Variants in MECOM observed in about 807,000 individuals in gnomAD.
MECOM encodes the protein histone-lysine N-methyltransferase MECOM.
MECOM carries 13 observed loss-of-function variants against 116.3 expected under a neutral mutation model. That is an observed-to-expected ratio of 0.11 (90% CI 0.07 to 0.18). The LOEUF (loss-of-function observed/expected upper bound fraction) is 0.18, where lower values mean the gene tolerates loss of function less well. Ranked by LOEUF, MECOM falls within the 10% of genes least tolerant of loss-of-function variation. The pLI, the probability that MECOM is intolerant of heterozygous loss-of-function variation, is 1.00. For missense variants in MECOM, 1,299 were observed against 1,509.0 expected (o/e 0.86, Z 2.31); for synonymous variants, 528 against 535.2 (o/e 0.99, Z 0.19).
intron 1 of MECOM, among the ~76,000 whole-genome samples, chr3:169,571,749 C>T (rs1763936983): frequency 6.6e-6 from 1 of 152,144 alleles, no homozygotes; most frequent in Non-Finnish European, 1.5e-5. Context: ...GGAAAGGATT[C>T]CCTATTTAAT....
At chr3:169,433,789 G>A (rs1213858060) in intron 1 of MECOM, among the ~76,000 whole-genome samples, 2 of 152,168 alleles carry the variant, frequency 1.3e-5, no homozygotes, top group Admixed American at 6.5e-5. Flanking sequence ...TGTTAAAAAT[G>A]CAAATACACA....
chr3:169,397,984 G>A (rs1735278642), intron 1 of MECOM, among the ~76,000 whole-genome samples: 1 of 152,132 alleles, frequency 6.6e-6, no homozygotes, highest in Non-Finnish European at 1.5e-5. Context: ...TGGAGTGGCT[G>A]TGTAATCCTA....
chr3:169,191,296 G>A (rs1314568000), intron 2 of MECOM, among the ~76,000 whole-genome samples: 1 of 151,898 alleles, frequency 6.6e-6, no homozygotes, highest in Non-Finnish European at 1.5e-5. Context: ...GCTGGTGGGT[G>A]CAGAAATATA....
intron 2 of MECOM, among the ~76,000 whole-genome samples, chr3:169,153,324 A>G (rs1236331032): frequency 1.3e-5 from 2 of 152,192 alleles, no homozygotes; most frequent in Non-Finnish European, 2.9e-5. Flanking sequence ...AAAAATGCAT[A>G]ACATATCAAT....
chr3:169,454,537 T>C (rs535174047), intron 1 of MECOM, among the ~76,000 whole-genome samples: 1 of 152,282 alleles, frequency 6.6e-6, no homozygotes, highest in Non-Finnish European at 1.5e-5. Context: ...TTGTTTTTAT[T>C]ATTCCTAATG....
Position 169,358,480 on chromosome 3 carries a change from C to T in MECOM, c.375+22707G>A, listed in dbSNP as rs1200032163. Among the ~76,000 whole-genome samples, 8 of 150,736 alleles carry T rather than the reference C, an allele frequency of 5.3e-5. No homozygotes were observed. The East Asian group carries it at 9.8e-4, about 19-fold the overall frequency. Reference sequence around the variant, plus strand: ...AGTGGCCCTGTTTCAAATACTGTATCGAGAGCCAGCTTATTACATCAAGAA... The same window carrying T: ...AGTGGCCCTGTTTCAAATACTGTATTGAGAGCCAGCTTATTACATCAAGAA... On this transcript the variant is annotated intron_variant, in intron 2 of 16. Transcript: ENST00000651503.
chr3:169,644,971 G>A (rs1247327712), intron 1 of MECOM, among the ~76,000 whole-genome samples: 1 of 151,956 alleles, frequency 6.6e-6, no homozygotes, highest in Non-Finnish European at 1.5e-5. Flanking sequence ...TTCTTCTTCG[G>A]CATAAGTACA....
chr3:169,214,843 A>C (rs1342410274), intron 2 of MECOM, among the ~76,000 whole-genome samples: 2 of 148,114 alleles, frequency 1.4e-5, no homozygotes, highest in African/African-American at 4.9e-5. Flanking sequence ...TTATATATAT[A>C]ATCTATAGGA....
chr3:169,463,900 C>A (rs193268734), intron 1 of MECOM: 5 of 152,026 alleles, frequency 3.3e-5, no homozygotes, highest in African/African-American at 1.2e-4. Context: ...ACTAAAAGTA[C>A]GACTGCAAAA....
chr3:169,529,451 T>C (rs1488001544), intron 1 of MECOM, among the ~76,000 whole-genome samples: 2 of 152,220 alleles, frequency 1.3e-5, no homozygotes, highest in Non-Finnish European at 2.9e-5. Context: ...CTCTCCCGTT[T>C]AGCTTGCTAA....
At chr3:169,204,441 T>C (rs1749632358) in intron 2 of MECOM, among the ~76,000 whole-genome samples, 1 of 152,150 alleles carries the variant, frequency 6.6e-6, no homozygotes, top group African/African-American at 2.4e-5. Flanking sequence ...TGCACAATTG[T>C]CCCACAGCTC....
At position 169,378,454 on chromosome 3, in the gene MECOM, AAAGC is replaced by A. The variant is rs1354175221; in HGVS notation, c.375+2729_375+2732del. ...GAAAGAAAGAAAGAAAGAAAGAAGG[AAAGC>A]AAGCAAGCAAGCAAGCAAGAAAGAG... On this transcript the variant is annotated intron_variant, in intron 2 of 16. Coordinates refer to ENST00000651503, the MANE Select transcript of MECOM (RefSeq NM_004991.4). 6.1e-4 allele frequency among the ~76,000 whole-genome samples: 33 copies of A among 54,540 alleles called. 2 individuals are homozygous for A. Among genetic ancestry groups the A allele is most frequent in the Non-Finnish European group, 6.4e-4 (20 of 31,406 alleles). 35.8% of individuals were successfully genotyped at this position (54,540 alleles called of 152,430 possible). A position where few individuals can be genotyped will look rare whatever the true frequency, so the allele number is the denominator to read the frequency against.
intron 2 of MECOM, among the ~76,000 whole-genome samples, chr3:169,257,947 A>G (rs1246086303): frequency 6.6e-6 from 1 of 152,240 alleles, no homozygotes; most frequent in Non-Finnish European, 1.5e-5. Flanking sequence ...GTAGCCGGGC[A>G]TGGCGGCGCA....
intron 2 of MECOM, among the ~76,000 whole-genome samples, chr3:169,216,565 A>C (rs1474537618): frequency 6.8e-6 from 1 of 147,580 alleles, no homozygotes; most frequent in Non-Finnish European, 1.5e-5. Flanking sequence ...AATTTACACA[A>C]ACCTTCTCTA....
At chr3:169,459,218 A>G (rs917928878) in intron 1 of MECOM, among the ~76,000 whole-genome samples, 6 of 152,354 alleles carry the variant, frequency 3.9e-5, no homozygotes, top group African/African-American at 1.4e-4. Flanking sequence ...AACCTCAAAC[A>G]TAATTATTTT....
At chr3:169,093,493 T>C (rs897495805) in intron 13 of MECOM, among the ~76,000 whole-genome samples, 1 of 152,230 alleles carries the variant, frequency 6.6e-6, no homozygotes, top group Admixed American at 6.5e-5. Context: ...GCAGTCAACA[T>C]GCCTTTTTAT....
intron 9 of MECOM, among the ~76,000 whole-genome samples, chr3:169,111,297 A>T (rs13061789): frequency 0.25 from 38,360 of 152,088 alleles, 5,063 homozygotes; most frequent in Non-Finnish European, 0.28. Context: ...AAAGATTATC[A>T]GAACATGAAA....
chr3:169,640,108 TAA>T, intron 1 of MECOM, among the ~76,000 whole-genome samples: 1 of 152,338 alleles, frequency 6.6e-6, no homozygotes, highest in African/African-American at 2.4e-5. Flanking sequence ...TAATTCTTTA[TAA>T]GAGACGTAGT....
intron 1 of MECOM, among the ~76,000 whole-genome samples, chr3:169,636,324 T>C (rs1772747545): frequency 6.6e-6 from 1 of 152,206 alleles, no homozygotes; most frequent in South Asian, 2.1e-4. Context: ...GTAAGAATCT[T>C]TTTTAAGACT....
Sources: gnomAD v4.1 joint callset for allele counts (sites outside exome capture counted in the v4.1 genomes callset) on GRCh38, gnomAD v4.1.1 for gene constraint, MANE v1.5 for transcripts, NCBI Gene and HGNC (gene_info 2026-07-23, HGNC 2026-07-21) for gene names.